The following GRIK1 variants were observed in gnomAD, a reference collection of about 807,000 sequenced individuals.
GRIK1 encodes glutamate ionotropic receptor kainate type subunit 1.
GRIK1 carries 69 observed loss-of-function variants against 105.7 expected under a neutral mutation model. The ratio of observed to expected loss-of-function variants is 0.65; its 90% CI spans 0.54 to 0.80. GRIK1 has a LOEUF of 0.80. Ranked by LOEUF, GRIK1 falls within the 30% of genes least tolerant of loss-of-function variation. The pLI is 0.00. For synonymous variants in GRIK1, 438 were observed against 431.3 expected, an observed-to-expected ratio of 1.02 and a Z score of -0.19; for missense variants, 1,109 against 1,167.3, an observed-to-expected ratio of 0.95 and a Z score of 0.73.
At chr21:29,833,058 A>G (rs1407619108) in intron 1 of GRIK1, among the ~76,000 whole-genome samples, 1 of 152,206 alleles carries the variant, frequency 6.6e-6, no homozygotes, top group African/African-American at 2.4e-5. Flanking sequence ...CTCTGGTTCA[A>G]AGTTCCATAG....
chr21:29,667,770 T>TAAAA (rs937999796), intron 4 of GRIK1, among the ~76,000 whole-genome samples: 5 of 152,192 alleles, frequency 3.3e-5, no homozygotes, highest in Admixed American at 2.0e-4. Flanking sequence ...ATCTTGCTTT[T>TAAAA]CATCAGAGAA....
chr21:29,576,178 T>C (rs1454178939), intron 14 of GRIK1, among the ~76,000 whole-genome samples: 1 of 152,170 alleles, frequency 6.6e-6, no homozygotes, highest in East Asian at 1.9e-4. Flanking sequence ...TTTACACCTA[T>C]TGGATCTATT....
At position 29,561,669 on chromosome 21, in the gene GRIK1, C is replaced by T. The variant is rs1185442393; in HGVS notation, c.2311G>A (p.Gly771Arg). ...TAACCTTTGGAGTCAATGAGGCCCC[C>T]GATCTGAGTGAGGTTGCAGTTTCTC... ...TQRNCNLTQI[G>R]GLIDSKGYGV... Residue 771 changes from glycine (G) to arginine (R), a missense_variant, in exon 15 of 18, where the codon GGG becomes AGG. Gly to Arg is a moderately radical substitution (Grantham distance 125). Transcript: ENST00000327783. 8 of 1,613,888 alleles carry T rather than the reference C, an allele frequency of 5.0e-6. No homozygotes were observed. Among genetic ancestry groups the T allele is most frequent in the African/African-American group, 1.3e-5 (1 of 74,904 alleles).
intron 1 of GRIK1, among the ~76,000 whole-genome samples, chr21:29,911,011 T>C (rs372659825): frequency 6.6e-5 from 10 of 152,214 alleles, no homozygotes; most frequent in African/African-American, 2.4e-4. Flanking sequence ...AGTGCACTAG[T>C]CATCAATAAT....
intron 1 of GRIK1, among the ~76,000 whole-genome samples, chr21:29,766,038 A>G (rs2065658037): frequency 6.6e-6 from 1 of 151,858 alleles, no homozygotes; most frequent in African/African-American, 2.4e-5. Context: ...TTTTTAGTAG[A>G]GACGGTTTTA....
intron 1 of GRIK1, among the ~76,000 whole-genome samples, chr21:29,936,888 T>C (rs1244935454): frequency 6.6e-6 from 1 of 152,176 alleles, no homozygotes; most frequent in Non-Finnish European, 1.5e-5. Flanking sequence ...CAGTACTAAG[T>C]GCCTAGCGAT....
chr21:29,665,206 C>G (rs1319797568), intron 4 of GRIK1, among the ~76,000 whole-genome samples: 1 of 152,154 alleles, frequency 6.6e-6, no homozygotes, highest in Non-Finnish European at 1.5e-5. Flanking sequence ...ATCCTGGACA[C>G]TAAGAATATG....
intron 7 of GRIK1, among the ~76,000 whole-genome samples, chr21:29,605,765 C>T (rs2061602093): frequency 6.6e-6 from 1 of 152,094 alleles, no homozygotes; most frequent in Non-Finnish European, 1.5e-5. Flanking sequence ...GAATGTAAAT[C>T]CTCCCTTCCT....
intron 14 of GRIK1, among the ~76,000 whole-genome samples, chr21:29,573,268 A>G (rs1443499781): frequency 6.6e-6 from 1 of 152,198 alleles, no homozygotes; most frequent in African/African-American, 2.4e-5. Flanking sequence ...CCAGGGAGAA[A>G]GCAGGAGCCT....
intron 1 of GRIK1, among the ~76,000 whole-genome samples, chr21:29,735,336 G>A (rs953389400): frequency 6.6e-6 from 1 of 152,288 alleles, no homozygotes; most frequent in East Asian, 1.9e-4. Flanking sequence ...AAGGTGTCAA[G>A]TCCAACTCAT....
At chr21:29,632,295 AC>A (rs780584699) in intron 7 of GRIK1, among the ~76,000 whole-genome samples, 1 of 151,890 alleles carries the variant, frequency 6.6e-6, no homozygotes, top group Non-Finnish European at 1.5e-5. Flanking sequence ...GAGAGTGAGG[AC>A]TTTTCTTTGC....
chr21:29,729,611 A>G (rs970401252), intron 1 of GRIK1, among the ~76,000 whole-genome samples: 1 of 152,208 alleles, frequency 6.6e-6, no homozygotes, highest in Non-Finnish European at 1.5e-5. Flanking sequence ...TAAATAAATT[A>G]TATAGGCTGT....
At chr21:29,619,115 G>T (rs907325462) in intron 7 of GRIK1, among the ~76,000 whole-genome samples, 13 of 97,382 alleles carry the variant, frequency 1.3e-4, no homozygotes, top group Non-Finnish European at 2.3e-4. Flanking sequence ...AACAGAGCGA[G>T]ACTCCGTCAA....
At chr21:29,695,462 ATCTATCTATCTATC>A (rs1601472511) in intron 1 of GRIK1, among the ~76,000 whole-genome samples, 3 of 144,522 alleles carry the variant, frequency 2.1e-5, no homozygotes, top group East Asian at 4.0e-4. Flanking sequence ...CTATCTATCT[ATCTATCTATCTATC>A]TATATATATA....
intron 1 of GRIK1, among the ~76,000 whole-genome samples, chr21:29,789,408 A>G (rs1947942739): frequency 6.6e-6 from 1 of 152,196 alleles, no homozygotes; most frequent in Non-Finnish European, 1.5e-5. Flanking sequence ...TTCTTAGGTT[A>G]AGCAAGTATT....
At chr21:29,571,214 T>G (rs2090739793) in intron 14 of GRIK1, among the ~76,000 whole-genome samples, 1 of 152,036 alleles carries the variant, frequency 6.6e-6, no homozygotes, top group East Asian at 1.9e-4. Flanking sequence ...AAATATTAAC[T>G]GGGCATGGTG....
intron 1 of GRIK1, among the ~76,000 whole-genome samples, chr21:29,790,938 G>A (rs984089167): frequency 8.5e-5 from 13 of 152,140 alleles, no homozygotes; most frequent in African/African-American, 3.1e-4. Context: ...ATGGTGGTGG[G>A]AAAAAAGTAA....
intron 1 of GRIK1, among the ~76,000 whole-genome samples, chr21:29,699,019 G>T (rs1482853977): frequency 6.6e-6 from 1 of 152,110 alleles, no homozygotes; most frequent in African/African-American, 2.4e-5. Flanking sequence ...ACTTTTCTGG[G>T]AAGCATAGAT....
chr21:29,835,424 T>C (rs545367090), intron 1 of GRIK1, among the ~76,000 whole-genome samples: 2 of 152,310 alleles, frequency 1.3e-5, no homozygotes, highest in East Asian at 3.9e-4. Context: ...TTGTCTCTGG[T>C]CTTTTTTCTT....
Sources: allele counts gnomAD v4.1 joint callset (sites outside exome capture counted in the v4.1 genomes callset), GRCh38; gene constraint gnomAD v4.1.1; transcripts MANE v1.5; gene names NCBI Gene and HGNC (gene_info 2026-07-23, HGNC 2026-07-21).